The following STARD13 variants were observed in gnomAD, a reference collection of about 807,000 sequenced individuals.
The protein encoded by STARD13 is StAR related lipid transfer domain containing 13.
STARD13 carries 62 observed loss-of-function variants against 106.4 expected under a neutral mutation model. That is an observed-to-expected ratio of 0.58 (90% CI 0.48 to 0.72). STARD13 has a LOEUF of 0.72. Ranked by LOEUF, STARD13 falls within the 30% of genes least tolerant of loss-of-function variation. The pLI is 0.00. For synonymous variants in STARD13, 565 were observed against 553.0 expected, an observed-to-expected ratio of 1.02 and a Z score of -0.31; for missense variants, 1,387 against 1,424.0, an observed-to-expected ratio of 0.97 and a Z score of 0.42.
chr13:33,536,106 T>C, the STARD13 span, among the ~76,000 whole-genome samples: 16 of 152,194 alleles, frequency 1.1e-4, no homozygotes, highest in Non-Finnish European at 1.9e-4. Flanking sequence ...AAATTAAATA[T>C]ATAGGATTGT....
the STARD13 span, among the ~76,000 whole-genome samples, chr13:33,583,758 CAG>C: frequency 1.3e-5 from 2 of 152,116 alleles, no homozygotes; most frequent in Non-Finnish European, 2.9e-5. Context: ...TGTACCCAAA[CAG>C]AAAGAATCTA....
At chr13:33,604,726 G>T in the STARD13 span, among the ~76,000 whole-genome samples, 1 of 151,992 alleles carries the variant, frequency 6.6e-6, no homozygotes, top group African/African-American at 2.4e-5. Flanking sequence ...TTTAATCTGG[G>T]AGGCAGAGGT....
chr13:33,232,270 G>T (rs964711399), intron 1 of STARD13, among the ~76,000 whole-genome samples: 1 of 152,102 alleles, frequency 6.6e-6, no homozygotes, highest in Non-Finnish European at 1.5e-5. Flanking sequence ...CCGAGATCAC[G>T]CCACTGCACT....
chr13:33,509,252 G>C, the STARD13 span, among the ~76,000 whole-genome samples: 8 of 152,272 alleles, frequency 5.3e-5, no homozygotes, highest in Non-Finnish European at 1.5e-5. Flanking sequence ...CAGAAGGAAA[G>C]AGGAAAAGGG....
the STARD13 span, among the ~76,000 whole-genome samples, chr13:33,387,705 G>C: frequency 6.6e-6 from 1 of 152,178 alleles, no homozygotes; most frequent in Non-Finnish European, 1.5e-5. Context: ...ATGGTAAAAA[G>C]CCTGATGTTA....
At chr13:33,212,164 C>T (rs560696224) in intron 1 of STARD13, among the ~76,000 whole-genome samples, 1 of 152,282 alleles carries the variant, frequency 6.6e-6, no homozygotes, top group East Asian at 1.9e-4. Flanking sequence ...TGGGGTGGCT[C>T]ACCTGTCCCC....
chr13:33,605,430 A>G, the STARD13 span, among the ~76,000 whole-genome samples: 6 of 150,968 alleles, frequency 4.0e-5, no homozygotes, highest in African/African-American at 9.8e-5. Context: ...GTTTTAAGTT[A>G]TAGTTTTCTA....
the STARD13 span, among the ~76,000 whole-genome samples, chr13:33,438,005 A>G: frequency 2.0e-5 from 3 of 152,132 alleles, no homozygotes; most frequent in African/African-American, 7.2e-5. Flanking sequence ...GGACTATTAA[A>G]CCACTTCAGA....
At chr13:33,650,177 T>G in the STARD13 span, among the ~76,000 whole-genome samples, 63 of 71,088 alleles carry the variant, frequency 8.9e-4, 1 homozygote, top group Middle Eastern at 4.8e-3. Flanking sequence ...TTTTTTTTTT[T>G]TTTTTTTTTT....
At chr13:33,291,776 C>T (rs1181314033) in intron 1 of STARD13, among the ~76,000 whole-genome samples, 1 of 152,074 alleles carries the variant, frequency 6.6e-6, no homozygotes, top group Non-Finnish European at 1.5e-5. Flanking sequence ...TATATATGAT[C>T]TAAATGTTTT....
the STARD13 span, among the ~76,000 whole-genome samples, chr13:33,415,855 A>G: frequency 6.6e-6 from 1 of 152,262 alleles, no homozygotes; most frequent in Non-Finnish European, 1.5e-5. Flanking sequence ...TACTAACGCA[A>G]TCTGTAAGAT....
chr13:33,435,603 C>T, the STARD13 span, among the ~76,000 whole-genome samples: 84 of 152,208 alleles, frequency 5.5e-4, 2 homozygotes, highest in Non-Finnish European at 1.9e-4. Flanking sequence ...ATTTAAAAAT[C>T]TTACTAAATT....
chr13:33,323,585 G>A (rs181285799), intron 1 of STARD13, among the ~76,000 whole-genome samples: 3 of 152,230 alleles, frequency 2.0e-5, no homozygotes, highest in East Asian at 1.9e-4. Flanking sequence ...TCAATGTAAC[G>A]GTACATACAT....
chr13:33,651,039 G>A, the STARD13 span, among the ~76,000 whole-genome samples: 1 of 152,222 alleles, frequency 6.6e-6, no homozygotes, highest in African/African-American at 2.4e-5. Flanking sequence ...CAACACTCAT[G>A]GACTAAGACA....
At chr13:33,193,135 A>G (rs1287304899) in intron 1 of STARD13, among the ~76,000 whole-genome samples, 1 of 152,242 alleles carries the variant, frequency 6.6e-6, no homozygotes, top group African/African-American at 2.4e-5. Context: ...GCAACTGAAG[A>G]AAGGACAAAC....
the STARD13 span, among the ~76,000 whole-genome samples, chr13:33,496,027 GATT>G: frequency 2.1e-5 from 3 of 139,566 alleles, no homozygotes; most frequent in East Asian, 2.0e-4. Context: ...GTTAATATGT[GATT>G]ATTATAATTA....
At chr13:33,385,257 A>ATATATATATATATG in the STARD13 span, among the ~76,000 whole-genome samples, 1 of 135,798 alleles carries the variant, frequency 7.4e-6, no homozygotes, top group Non-Finnish European at 1.6e-5. Context: ...ATATATATAT[A>ATATATATATATATG]TGTAGAAAAC....
intron 1 of STARD13, among the ~76,000 whole-genome samples, chr13:33,332,343 C>G (rs1001765527): frequency 6.6e-6 from 1 of 152,102 alleles, no homozygotes; most frequent in African/African-American, 2.4e-5. Flanking sequence ...TGTCTGTGTC[C>G]CCCTCAAATT....
chr13:33,423,859 C>G, the STARD13 span, among the ~76,000 whole-genome samples: 3 of 152,164 alleles, frequency 2.0e-5, no homozygotes, highest in Admixed American at 2.0e-4. Context: ...AAACCAAACA[C>G]GGCATGTTCT....
Sources: gnomAD v4.1 joint callset for allele counts (sites outside exome capture counted in the v4.1 genomes callset) on GRCh38, gnomAD v4.1.1 for gene constraint, MANE v1.5 for transcripts, NCBI Gene and HGNC (gene_info 2026-07-23, HGNC 2026-07-21) for gene names.